The following GNPTAB variants were observed in gnomAD, a reference collection of about 807,000 sequenced individuals.
GNPTAB encodes the protein N-acetylglucosamine-1-phosphate transferase subunits alpha and beta.
GNPTAB carries 92 observed loss-of-function variants against 136.6 expected under a neutral mutation model. The ratio of observed to expected loss-of-function variants is 0.67; its 90% confidence interval spans 0.57 to 0.80. The LOEUF (loss-of-function observed/expected upper bound fraction) is 0.80, where lower values mean the gene tolerates loss of function less well. Ranked by LOEUF, GNPTAB falls within the 30% of genes least tolerant of loss-of-function variation. GNPTAB has a pLI of 0.00. For synonymous variants in GNPTAB, 512 were observed against 535.1 expected (o/e 0.96, Z 0.60); for missense variants, 1,343 against 1,501.8 (o/e 0.89, Z 1.75).
chr12:101,782,917 C>G (rs996568889), intron 5 of GNPTAB, among the ~76,000 whole-genome samples: 2 of 152,060 alleles, frequency 1.3e-5, no homozygotes, highest in Admixed American at 1.3e-4. Context: ...GCATTGCTGG[C>G]TACCTCACCT....
rs1953152857 is a variant in GNPTAB, at chr12:101,770,409, G to C, written c.1110C>G (p.His370Gln). The change falls in exon 9 of 21, where the codon CAC (histidine) becomes CAG (glutamine). Residue 370 changes from histidine to glutamine, a missense_variant. His to Gln is a conservative substitution (Grantham distance 24). Coordinates refer to ENST00000299314, the MANE Select transcript of GNPTAB (RefSeq NM_024312.5). ...TAATTTTTAGAAAGTCCTGTACCTG[G>C]TGTGTTACTATTGTCACTCGAGGAT... is the stretch of plus-strand genomic sequence containing the variant. ...LDNPRVTIVT[H>Q]QDVFRNLSHL... 2.5e-6 allele frequency: 4 copies of C among 1,605,914 alleles called. No homozygotes were observed. The highest frequency in any genetic ancestry group is 3.4e-6 in the Non-Finnish European group (4 of 1,172,488).
intron 3 of GNPTAB, among the ~76,000 whole-genome samples, chr12:101,789,040 T>C (rs879238041): frequency 1.3e-5 from 2 of 152,236 alleles, no homozygotes; most frequent in Admixed American, 1.3e-4. Flanking sequence ...AAAGGGAGTA[T>C]ACTTTTTACT....
At chr12:101,807,436 T>C (rs1172643103) in intron 1 of GNPTAB, among the ~76,000 whole-genome samples, 1 of 151,876 alleles carries the variant, frequency 6.6e-6, no homozygotes, top group African/African-American at 2.4e-5. Flanking sequence ...TCCTAGCTGA[T>C]GCAGTAAGAC....
Position 101,769,596 on chromosome 12 carries a change from ATAT to A in GNPTAB, c.1284+422_1284+424del, listed in dbSNP as rs1643561063. ...ATTATTTGATCTCATATATCTATAT[ATAT>A]TTTTTTATTTTTCAAGATCCGGTTC... On this transcript the variant is annotated intron_variant, in intron 10 of 20. Coordinates refer to ENST00000299314, the MANE Select transcript of GNPTAB (RefSeq NM_024312.5). Among the ~76,000 whole-genome samples the A allele has an allele frequency of 3.9e-5, 6 of 152,082 alleles. 1 individual carries two copies. In the South Asian group the frequency reaches 1.2e-3, roughly 32 times the overall value.
At chr12:101,767,405 C>G (rs1445963484) in intron 11 of GNPTAB, among the ~76,000 whole-genome samples, 2 of 152,160 alleles carry the variant, frequency 1.3e-5, no homozygotes, top group African/African-American at 2.4e-5. Flanking sequence ...AATTCTGTGA[C>G]CTATCACAAT....
At chr12:101,823,303 T>C (rs1354666090) in intron 1 of GNPTAB, among the ~76,000 whole-genome samples, 1 of 151,790 alleles carries the variant, frequency 6.6e-6, no homozygotes, top group Non-Finnish European at 1.5e-5. Context: ...CTAGAGCTTG[T>C]TGGAGAGGCA....
chr12:101,813,754 C>T (rs979164436), intron 1 of GNPTAB, among the ~76,000 whole-genome samples: 8 of 152,116 alleles, frequency 5.3e-5, no homozygotes, highest in African/African-American at 1.9e-4. Context: ...AAACTCAGCA[C>T]TTTGGGAGGC....
chr12:101,749,151 C>G lies in GNPTAB; in HGVS notation c.3643G>C (p.Val1215Leu). 1 of 1,612,820 alleles carries G rather than the reference C, an allele frequency of 6.2e-7. No individual in the cohort carries two copies. The highest frequency in any genetic ancestry group is 8.5e-7 in the Non-Finnish European group (1 of 1,178,984). ...RDKLKFWTHCVLATLIMFTIF... is the reference protein window; with the variant it reads ...RDKLKFWTHCLLATLIMFTIF... The stretch of plus-strand genomic sequence containing the variant: ...GTAAACATAATCAATGTTGCTAGTA[C>G]ACAATGGGTCCAAAACTTCAATTTG... The change falls in exon 20 of 21, where the codon GTA becomes CTA. Residue 1215 changes from valine (V) to leucine (L), a missense_variant. By Grantham distance (32) the Val-to-Leu change is conservative. Transcript: ENST00000299314.
At chr12:101,775,886 G>C (rs535295935) in intron 7 of GNPTAB, among the ~76,000 whole-genome samples, 7 of 152,100 alleles carry the variant, frequency 4.6e-5, no homozygotes, top group South Asian at 4.1e-4. Flanking sequence ...AGCTTTGAGG[G>C]GGGCAGAGTC....
In GNPTAB at chr12:101,756,520, G is replaced by T. The variant is rs1409021396; in HGVS notation, c.3434+692C>A. On this transcript the variant is annotated intron_variant, in intron 18 of 20. Transcript: ENST00000299314. The stretch of plus-strand genomic sequence containing the variant: ...GCCCACGAGGTCGAGGCTACAGTGA[G>T]CCATGTTTGCATTACTGCATTCCAG... 6.3e-5 allele frequency: 24 copies of T among 379,098 alleles called. 1 individual carries two copies. In the Admixed American group the frequency reaches 8.1e-4, roughly 13 times the overall value. 23.5% of individuals were successfully genotyped at this position (379,098 alleles called of 1,614,324 possible).
chr12:101,768,420 A>G (rs1163948112), intron 10 of GNPTAB, among the ~76,000 whole-genome samples: 1 of 152,220 alleles, frequency 6.6e-6, no homozygotes, highest in Non-Finnish European at 1.5e-5. Flanking sequence ...GATTCAACTC[A>G]TGGATTAGTC....
chr12:101,828,219 T>C (rs1033024761), intron 1 of GNPTAB, among the ~76,000 whole-genome samples: 4 of 152,184 alleles, frequency 2.6e-5, no homozygotes, highest in African/African-American at 9.7e-5. Flanking sequence ...GTGCTTTACA[T>C]ACCCATCTTA....
At chr12:101,787,888 G>A (rs1218650144) in intron 4 of GNPTAB, among the ~76,000 whole-genome samples, 1 of 136,698 alleles carries the variant, frequency 7.3e-6, no homozygotes, top group Non-Finnish European at 1.5e-5. Flanking sequence ...ACTCCAGCCT[G>A]GACAACAAGA....
chr12:101,749,714 T>C (rs1952787909), intron 19 of GNPTAB, among the ~76,000 whole-genome samples: 1 of 152,218 alleles, frequency 6.6e-6, no homozygotes, highest in African/African-American at 2.4e-5. Flanking sequence ...TGGCATTTCC[T>C]GTAAGCCTTG....
chr12:101,812,224 G>A (rs1870276199), intron 1 of GNPTAB, among the ~76,000 whole-genome samples: 1 of 152,102 alleles, frequency 6.6e-6, no homozygotes, highest in Admixed American at 6.5e-5. Context: ...CCTCTGGCCT[G>A]GGCGACAGAG....
intron 1 of GNPTAB, among the ~76,000 whole-genome samples, chr12:101,808,973 G>A (rs1870084353): frequency 6.6e-6 from 1 of 152,214 alleles, no homozygotes; most frequent in Middle Eastern, 3.4e-3. Flanking sequence ...TCTGCTCTGG[G>A]AGACACTGTT....
intron 5 of GNPTAB, among the ~76,000 whole-genome samples, chr12:101,782,055 A>G (rs1173835524): frequency 6.6e-6 from 1 of 152,218 alleles, no homozygotes; most frequent in Non-Finnish European, 1.5e-5. Context: ...GGTCTTGCTG[A>G]ACCCTCTATC....
chr12:101,771,246 CTTTTTT>C (rs367687458), intron 7 of GNPTAB, 89 bp from the exon 8 acceptor site: 2 of 877,588 alleles, frequency 2.3e-6, no homozygotes, highest in African/African-American at 1.8e-5. Context: ...TTAATCTTTC[CTTTTTT>C]TTTTTTTTTT....
At chr12:101,791,686 C>T (rs1340255664) in intron 2 of GNPTAB, among the ~76,000 whole-genome samples, 1 of 152,162 alleles carries the variant, frequency 6.6e-6, no homozygotes, top group Non-Finnish European at 1.5e-5. Flanking sequence ...AGCATACCCT[C>T]CTTTTGTCCT....
Sources: allele counts gnomAD v4.1 joint callset (sites outside exome capture counted in the v4.1 genomes callset), GRCh38; gene constraint gnomAD v4.1.1; transcripts MANE v1.5; gene names NCBI Gene and HGNC (gene_info 2026-07-23, HGNC 2026-07-21).